The following ANGEL1 variants were observed in gnomAD, a reference collection of about 807,000 sequenced individuals.
ANGEL1 encodes angel homolog 1, also known as RNA 2',3'-cyclic phosphatase ANGEL1.
Under a neutral mutation model 76.4 loss-of-function variants are expected in ANGEL1, and 62 were observed. That is an observed-to-expected ratio of 0.81 (90% CI 0.66 to 1.00). ANGEL1 has a LOEUF of 1.00. Among genes scored for constraint, ANGEL1 ranks in the 50% least tolerant of loss-of-function variants. The pLI, the probability that ANGEL1 is intolerant of heterozygous loss-of-function variation, is 0.00. For synonymous variants in ANGEL1, 340 were observed against 331.7 expected (o/e 1.03, Z -0.27); for missense variants, 737 against 836.7 (o/e 0.88, Z 1.47).
At chr14:76,790,029 A>G (rs1332584243) in intron 9 of ANGEL1, among the ~76,000 whole-genome samples, 1 of 151,924 alleles carries the variant, frequency 6.6e-6, no homozygotes, top group Non-Finnish European at 1.5e-5. Context: ...ACACCCGGCT[A>G]ATTTTTTGTA....
At chr14:76,804,049 T>C in intron 5 of ANGEL1, 137 bp from the exon 6 acceptor site, 6 of 1,555,872 alleles carry the variant, frequency 3.9e-6, no homozygotes, top group Non-Finnish European at 5.2e-6. Context: ...AGCATATAAG[T>C]CTCAGGGGCA....
chr14:76,791,979 G>A (rs72737521), intron 7 of ANGEL1, among the ~76,000 whole-genome samples: 17,091 of 152,080 alleles, frequency 0.11, 1,082 homozygotes, highest in East Asian at 0.25. Flanking sequence ...ACATTAACAG[G>A]ATAATAAGGA....
At chr14:76,796,217 T>A (rs1004221576) in intron 7 of ANGEL1, among the ~76,000 whole-genome samples, 2 of 151,884 alleles carry the variant, frequency 1.3e-5, no homozygotes, top group African/African-American at 2.4e-5. Context: ...ATCAAAAAGT[T>A]TTTTAAATGT....
intron 5 of ANGEL1, among the ~76,000 whole-genome samples, chr14:76,805,012 A>AAAAT (rs59478597): frequency 0.16 from 22,907 of 146,894 alleles, 1,952 homozygotes; most frequent in East Asian, 0.22. Context: ...TCTGTCTCAA[A>AAAAT]AAATAAATAA....
intron 3 of ANGEL1, 123 bp downstream of exon 3, chr14:76,807,799 T>C: frequency 1.8e-6 from 2 of 1,119,280 alleles, no homozygotes; most frequent in Non-Finnish European, 2.6e-6. Flanking sequence ...GCAGGCAAGC[T>C]CCAGCCCTAG....
intron 5 of ANGEL1, 182 bp from the exon 6 acceptor site, chr14:76,804,094 T>C: frequency 1.4e-6 from 2 of 1,460,290 alleles, no homozygotes; most frequent in Non-Finnish European, 1.8e-6. Flanking sequence ...AACCATTACT[T>C]TTTCACTGGC....
At chr14:76,792,255 C>T (rs537697970) in intron 7 of ANGEL1, among the ~76,000 whole-genome samples, 1 of 152,252 alleles carries the variant, frequency 6.6e-6, no homozygotes, top group South Asian at 2.1e-4. Flanking sequence ...GAGATTGAAT[C>T]TGTAATTTTA....
rs1480915621 is a variant in ANGEL1 at position 76,809,630 on chromosome 14, T to C, written c.78A>G (p.Thr26=). 3.7e-6 allele frequency: 6 copies of C among 1,612,834 alleles called. No individual in the cohort carries two copies. The highest frequency in any genetic ancestry group is 2.7e-5 in the African/African-American group (2 of 74,868). Residue 26 remains threonine, a synonymous_variant, in exon 2 of 10, where the codon ACA becomes ACG. Transcript: ENST00000251089. ...TCGCCAGAAGGACATTTTTTCGACA[T>C]GTGAAGAAAGCATCTAGGAGGAAAG... ...LFRALSDAFF[T]CRKNVLLANS...
intron 1 of ANGEL1, among the ~76,000 whole-genome samples, chr14:76,811,534 G>GC (rs1566703034): frequency 4.9e-5 from 6 of 122,468 alleles, no homozygotes; most frequent in African/African-American, 1.2e-4. Context: ...GGCGGGGGGG[G>GC]CCCTCCTCTG....
intron 2 of ANGEL1, among the ~76,000 whole-genome samples, chr14:76,808,466 T>C (rs1046976533): frequency 2.0e-5 from 3 of 147,900 alleles, no homozygotes. Context: ...CTCAGATGAG[T>C]GTGCTTAACA....
chr14:76,803,985 C>T (rs759976980), intron 5 of ANGEL1, 73 bp from the exon 6 acceptor site: 1 of 1,613,532 alleles, frequency 6.2e-7, no homozygotes, highest in Non-Finnish European at 8.5e-7. Flanking sequence ...TGTTTTGGGA[C>T]ATGTGGACAA....
chr14:76,805,992 C>A (rs1244861387), intron 5 of ANGEL1, among the ~76,000 whole-genome samples: 1 of 152,140 alleles, frequency 6.6e-6, no homozygotes, highest in Non-Finnish European at 1.5e-5. Context: ...CAAATGTAAA[C>A]ACTGATTACA....
chr14:76,794,211 G>A (rs1385768416), intron 7 of ANGEL1, among the ~76,000 whole-genome samples: 1 of 152,164 alleles, frequency 6.6e-6, no homozygotes, highest in Non-Finnish European at 1.5e-5. Context: ...AGATCATGGT[G>A]ATGGTCACAC....
intron 3 of ANGEL1, 57 bp downstream of exon 3, chr14:76,807,865 G>A: frequency 1.3e-6 from 2 of 1,577,896 alleles, no homozygotes; most frequent in Non-Finnish European, 1.7e-6. Context: ...TAAGAGCACT[G>A]GGCAACAGCC....
At position 76,810,251 on chromosome 14, in the gene ANGEL1, A is replaced by T. The variant is rs114937384; in HGVS notation, c.65-608T>A. ...AGCCTGGGCAACATAACGAAACTTC[A>T]TCTCTACAAAAAATTAAAAATTAGC... is the stretch of plus-strand genomic sequence containing the variant. On this transcript the variant is annotated intron_variant, in intron 1 of 9. Transcript: ENST00000251089. 230 of 454,940 alleles carry T rather than the reference A, an allele frequency of 5.1e-4. 2 individuals are homozygous for T. Among genetic ancestry groups the T allele is most frequent in the African/African-American group, 4.1e-3 (207 of 50,114 alleles). The allele number at this position is 454,940 out of a possible 1,614,324, so 28.2% of individuals were successfully genotyped here. A position where few individuals can be genotyped will look rare whatever the true frequency, so the allele number is the denominator to read the frequency against.
In ANGEL1 at chr14:76,809,097, C is replaced by G; in HGVS notation, c.611G>C (p.Gly204Ala). The change falls in exon 2 of 10, where the codon GGG becomes GCG. Residue 204 changes from glycine to alanine, a missense_variant. By Grantham distance (60) the Gly-to-Ala change is moderately conservative (BLOSUM62 0). Coordinates refer to ENST00000251089, the MANE Select transcript of ANGEL1 (RefSeq NM_015305.4). The stretch of plus-strand genomic sequence containing the variant: ...TTCCACTGCGGGAGGCTGCAACTGC[C>G]CCAGGCCCTCAAAGGGCCAGATGGA... The part of the protein sequence containing the change: ...EASIWPFEGL[G>A]QLQPPAVEIP... 1 of 1,614,030 alleles carries G rather than the reference C, an allele frequency of 6.2e-7. No individual in the cohort carries two copies. The highest frequency in any genetic ancestry group is 8.5e-7 in the Non-Finnish European group (1 of 1,179,968).
intron 7 of ANGEL1, among the ~76,000 whole-genome samples, chr14:76,794,202 G>C (rs1439920953): frequency 6.6e-6 from 1 of 152,140 alleles, no homozygotes; most frequent in Non-Finnish European, 1.5e-5. Context: ...TCTAAAATTA[G>C]ATCATGGTGA....
intron 6 of ANGEL1, 60 bp downstream of exon 6, chr14:76,803,726 C>G (rs1175991752): frequency 1.9e-6 from 3 of 1,548,820 alleles, no homozygotes; most frequent in Admixed American, 4.0e-5. Flanking sequence ...GTTGAGACAC[C>G]AGCTTTCTCC....
At chr14:76,794,447 G>A (rs555641608) in intron 7 of ANGEL1, among the ~76,000 whole-genome samples, 5 of 152,156 alleles carry the variant, frequency 3.3e-5, no homozygotes, top group African/African-American at 1.2e-4. Flanking sequence ...TGGGGCGGAC[G>A]CATCATGAGG....
Sources: gnomAD v4.1 joint callset for allele counts (sites outside exome capture counted in the v4.1 genomes callset) on GRCh38, gnomAD v4.1.1 for gene constraint, MANE v1.5 for transcripts, NCBI Gene and HGNC (gene_info 2026-07-23, HGNC 2026-07-21) for gene names.